Variants in UST observed in about 807,000 individuals in gnomAD.
The protein encoded by UST is uronyl 2-sulfotransferase, also known as chondroitin sulfate 2-O-sulfotransferase.
A neutral mutation model predicts 45.6 loss-of-function variants in UST; 21 were observed. That is an observed-to-expected ratio of 0.46 (90% CI 0.33 to 0.66). The LOEUF is 0.66. Among genes scored for constraint, UST ranks in the 30% least tolerant of loss-of-function variants. UST has a pLI of 0.02. For synonymous variants in UST, 215 were observed against 200.6 expected, an observed-to-expected ratio of 1.07 and a Z score of -0.61; for missense variants, 463 against 512.4, an observed-to-expected ratio of 0.90 and a Z score of 0.93.
chr6:148,997,190 C>T (rs147081330), intron 5 of UST, among the ~76,000 whole-genome samples: 228 of 152,284 alleles, frequency 1.5e-3, no homozygotes, highest in African/African-American at 5.1e-3. Context: ...AAATAGGGAA[C>T]ATTCTATAAG....
intron 7 of UST, among the ~76,000 whole-genome samples, chr6:149,070,741 T>G (rs781725767): frequency 1.3e-5 from 2 of 150,342 alleles, no homozygotes; most frequent in Non-Finnish European, 3.0e-5. Flanking sequence ...TTACAAACAA[T>G]CCAGTTATGC....
At chr6:148,828,637 T>C (rs539069640) in intron 1 of UST, among the ~76,000 whole-genome samples, 29 of 152,276 alleles carry the variant, frequency 1.9e-4, no homozygotes, top group African/African-American at 7.0e-4. Context: ...ACCTGTAAAA[T>C]GGAGAGAGGA....
At chr6:149,072,987 T>C (rs919289781) in intron 7 of UST, among the ~76,000 whole-genome samples, 6 of 152,220 alleles carry the variant, frequency 3.9e-5, no homozygotes, top group Admixed American at 3.9e-4. Context: ...CACTGAAGTG[T>C]ACACTTAAAA....
At chr6:148,782,309 G>A (rs78766592) in intron 1 of UST, among the ~76,000 whole-genome samples, 416 of 152,260 alleles carry the variant, frequency 2.7e-3, no homozygotes, top group Non-Finnish European at 4.7e-3. Flanking sequence ...GGATGACATC[G>A]AGGGGGTCAA....
chr6:148,837,226 A>C (rs2114767172), intron 1 of UST, among the ~76,000 whole-genome samples: 1 of 152,318 alleles, frequency 6.6e-6, no homozygotes, highest in Middle Eastern at 3.4e-3. Flanking sequence ...TGTCAAAAAA[A>C]ATGGCTTTTG....
chr6:148,798,606 A>G (rs937479172), intron 1 of UST, among the ~76,000 whole-genome samples: 1 of 152,138 alleles, frequency 6.6e-6, no homozygotes, highest in African/African-American at 2.4e-5. Flanking sequence ...GGGACCACTC[A>G]TATTTAAGTG....
At chr6:148,796,797 C>CTTTTT (rs1195878764) in intron 1 of UST, among the ~76,000 whole-genome samples, 22 of 72,074 alleles carry the variant, frequency 3.1e-4, no homozygotes, top group East Asian at 4.8e-4. Context: ...TCTGATAATT[C>CTTTTT]TTTTTTTTTT....
In UST at chr6:148,801,073, G is replaced by A. The variant is rs147288079; in HGVS notation, c.247+53396G>A. 4.6e-3 allele frequency among the ~76,000 whole-genome samples: 704 copies of A among 152,288 alleles called. 4 individuals carry two copies. The highest frequency in any genetic ancestry group is 0.034 in the Middle Eastern group (10 of 294). The stretch of plus-strand genomic sequence containing the variant: ...AGCTTGCAACTCCATCAGTGAGGTT[G>A]ATCAGGAGTGAAGCTGCCTCATCAG... On this transcript the variant is annotated intron_variant, in intron 1 of 7. Coordinates refer to ENST00000367463, the MANE Select transcript of UST (RefSeq NM_005715.3).
chr6:148,811,455 A>T (rs1190958641), intron 1 of UST, among the ~76,000 whole-genome samples: 1 of 152,208 alleles, frequency 6.6e-6, no homozygotes, highest in Non-Finnish European at 1.5e-5. Flanking sequence ...AGCAAAAAGT[A>T]TGGATGTCGG....
intron 2 of UST, among the ~76,000 whole-genome samples, chr6:148,928,698 T>A (rs1038420013): frequency 2.0e-5 from 3 of 152,242 alleles, no homozygotes; most frequent in Admixed American, 2.0e-4. Flanking sequence ...TGTTCAAAAT[T>A]AATTCAATTA....
intron 1 of UST, among the ~76,000 whole-genome samples, chr6:148,754,153 C>T (rs1776045879): frequency 6.6e-6 from 1 of 151,976 alleles, no homozygotes; most frequent in Non-Finnish European, 1.5e-5. Flanking sequence ...CGCCACCATG[C>T]CTGGCTAATT....
intron 5 of UST, among the ~76,000 whole-genome samples, chr6:148,983,032 A>T (rs1167334179): frequency 6.6e-6 from 1 of 152,320 alleles, no homozygotes; most frequent in Admixed American, 6.5e-5. Context: ...GTCTGTATTT[A>T]ATTTATTTGC....
intron 1 of UST, 28 bp downstream of exon 1, chr6:148,747,705 G>A: frequency 6.4e-7 from 1 of 1,559,130 alleles, no homozygotes. Context: ...GCGCTAGGGC[G>A]GCGCCGACAG....
rs138583442 is a variant in UST, at chr6:149,038,950, C to T, written c.937+17469C>T. ...GGAAAACAGAAAAACAATGAAAAAT[C>T]TGACACAATATTTATATTTATATTA... On this transcript the variant is annotated intron_variant, in intron 7 of 7. Coordinates refer to ENST00000367463, the MANE Select transcript of UST (RefSeq NM_005715.3). Among the ~76,000 whole-genome samples, 917 of 152,204 alleles carry T rather than the reference C, an allele frequency of 6.0e-3. 9 individuals are homozygous for T. Among genetic ancestry groups the T allele is most frequent in the African/African-American group, 0.021 (874 of 41,516 alleles).
chr6:149,062,853 T>C (rs1046077444), intron 7 of UST, among the ~76,000 whole-genome samples: 1 of 152,186 alleles, frequency 6.6e-6, no homozygotes, highest in Non-Finnish European at 1.5e-5. Context: ...AGCAAGGTAG[T>C]GAGGGGCGAT....
rs150194259 is a variant in UST, at chr6:148,786,450, C to T, written c.247+38773C>T. Among the ~76,000 whole-genome samples, 489 of 152,248 alleles carry T rather than the reference C, an allele frequency of 3.2e-3. 10 individuals carry two copies. The highest frequency in any genetic ancestry group is 0.026 in the Admixed American group (402 of 15,282). On this transcript the variant is annotated intron_variant, in intron 1 of 7. Transcript: ENST00000367463. ...TCCTCCCCATATATCGATGTGTTCT[C>T]ATCATTTAGCTCTCACTTATAAGAG...
intron 3 of UST, among the ~76,000 whole-genome samples, chr6:148,946,200 T>A (rs904126115): frequency 2.0e-5 from 3 of 152,110 alleles, no homozygotes; most frequent in Non-Finnish European, 4.4e-5. Flanking sequence ...AAGGCATGGT[T>A]AATCGGGCCT....
intron 2 of UST, 88 bp downstream of exon 2, chr6:148,887,117 G>C: frequency 1.0e-6 from 1 of 1,001,636 alleles, no homozygotes; most frequent in Non-Finnish European, 1.5e-6. Context: ...TCCTGGACAC[G>C]AATCATTCAC....
At chr6:148,813,677 G>A (rs559010457) in intron 1 of UST, among the ~76,000 whole-genome samples, 12 of 152,304 alleles carry the variant, frequency 7.9e-5, no homozygotes, top group Middle Eastern at 3.4e-3. Flanking sequence ...ACCGTGTCCA[G>A]CCCAGAAGAA....
Sources: gnomAD v4.1 joint callset for allele counts (sites outside exome capture counted in the v4.1 genomes callset) on GRCh38, gnomAD v4.1.1 for gene constraint, MANE v1.5 for transcripts, NCBI Gene and HGNC (gene_info 2026-07-23, HGNC 2026-07-21) for gene names.